Variants in XKR6 observed in about 807,000 individuals in gnomAD.
XKR6 encodes XK related 6.
Under a neutral mutation model 56.7 loss-of-function variants are expected in XKR6, and 22 were observed. That is an observed-to-expected ratio of 0.39 (90% CI 0.28 to 0.55). The LOEUF is 0.55. XKR6 is among the 20% of genes least tolerant of loss of function. The probability of loss-of-function intolerance (pLI) is 0.66; values close to 1 mark genes in which losing one functional copy is unlikely to be tolerated. For synonymous variants in XKR6, 524 were observed against 387.8 expected (o/e 1.35, Z -4.13); for missense variants, 852 against 889.0 (o/e 0.96, Z 0.53).
At chr8:11,010,433 C>A (rs1798473781) in intron 1 of XKR6, among the ~76,000 whole-genome samples, 1 of 152,314 alleles carries the variant, frequency 6.6e-6, no homozygotes, top group Admixed American at 6.5e-5. Flanking sequence ...CTTCCCTTCT[C>A]TAAGCCTCAT....
chr8:11,047,331 G>A (rs1251008170), intron 1 of XKR6, among the ~76,000 whole-genome samples: 1 of 152,146 alleles, frequency 6.6e-6, no homozygotes, highest in African/African-American at 2.4e-5. Flanking sequence ...CATGAAACCA[G>A]TTGTAACACA....
intron 1 of XKR6, among the ~76,000 whole-genome samples, chr8:11,091,783 C>T (rs1359467657): frequency 1.3e-5 from 2 of 152,202 alleles, no homozygotes; most frequent in African/African-American, 4.8e-5. Flanking sequence ...AAGCCCAGCT[C>T]TGGTGGCCCC....
intron 1 of XKR6, among the ~76,000 whole-genome samples, chr8:10,986,246 A>G (rs1797861707): frequency 6.6e-6 from 1 of 152,236 alleles, no homozygotes; most frequent in Non-Finnish European, 1.5e-5. Context: ...AAAAGTGGAT[A>G]CCAACTTCAC....
At chr8:10,986,787 T>C (rs1797873309) in intron 1 of XKR6, among the ~76,000 whole-genome samples, 1 of 151,940 alleles carries the variant, frequency 6.6e-6, no homozygotes, top group South Asian at 2.1e-4. Flanking sequence ...TGTTGTTGTT[T>C]CTTTTTTTTT....
At chr8:11,103,459 ATTCT>A (rs1798561830) in intron 1 of XKR6, among the ~76,000 whole-genome samples, 1 of 152,200 alleles carries the variant, frequency 6.6e-6, no homozygotes, top group African/African-American at 2.4e-5. Flanking sequence ...TGGAAAGGTA[ATTCT>A]TTATTTCTGA....
At chr8:11,177,262 T>C (rs1479101867) in intron 1 of XKR6, among the ~76,000 whole-genome samples, 1 of 152,240 alleles carries the variant, frequency 6.6e-6, no homozygotes, top group Admixed American at 6.5e-5. Flanking sequence ...GCTGTAGATT[T>C]GCCAACATTA....
intron 2 of XKR6, among the ~76,000 whole-genome samples, chr8:10,919,251 A>G (rs1800646515): frequency 6.6e-6 from 1 of 152,118 alleles, no homozygotes; most frequent in Non-Finnish European, 1.5e-5. Flanking sequence ...TTTTCTTCCC[A>G]AGTTGGTTCC....
At chr8:11,020,609 ACCCC>A (rs1287480135) in intron 1 of XKR6, among the ~76,000 whole-genome samples, 1 of 152,128 alleles carries the variant, frequency 6.6e-6, no homozygotes, top group Non-Finnish European at 1.5e-5. Flanking sequence ...AGAAGGGAAC[ACCCC>A]AGCCCCTAAG....
At position 11,191,642 on chromosome 8, in the gene XKR6, G is replaced by A. The variant is rs150370880; in HGVS notation, c.764+8934C>T. On this transcript the variant is annotated intron_variant, in intron 1 of 2. Transcript: ENST00000416569. ...CACCTGCAAGAGACACTCAGGAAAC[G>A]CAAAATATGAGCAGACAAGAGAAAT... Among the ~76,000 whole-genome samples the A allele has an allele frequency of 2.3e-3, 331 of 146,992 alleles. 2 individuals are homozygous for A. Among genetic ancestry groups the A allele is most frequent in the Non-Finnish European group, 2.6e-3 (174 of 67,308 alleles).
At chr8:10,967,477 C>A (rs1157715684) in intron 1 of XKR6, among the ~76,000 whole-genome samples, 1 of 152,202 alleles carries the variant, frequency 6.6e-6, no homozygotes, top group African/African-American at 2.4e-5. Flanking sequence ...CCCGAAGAGG[C>A]TGTACAGGAG....
chr8:11,018,462 C>T lies in XKR6; in HGVS notation c.765-93632G>A, dbSNP rs989181645. 9.2e-5 allele frequency among the ~76,000 whole-genome samples: 14 copies of T among 152,300 alleles called. No individual in the cohort carries two copies. The Middle Eastern group carries it at 0.014, about 148-fold the overall frequency. On this transcript the variant is annotated intron_variant, in intron 1 of 2. Coordinates refer to ENST00000416569, the MANE Select transcript of XKR6 (RefSeq NM_173683.4). ...GCCAGATGACAGATACCTCCACCAC[C>T]GGGCCTCCAGGCTAGCACTTCCCTC...
intron 1 of XKR6, among the ~76,000 whole-genome samples, chr8:11,024,697 A>G (rs1798822601): frequency 6.6e-6 from 1 of 152,216 alleles, no homozygotes; most frequent in Admixed American, 6.5e-5. Context: ...TGTTGAAGGT[A>G]TTTCCTCTAT....
chr8:11,066,057 T>A (rs1230681504), intron 1 of XKR6, among the ~76,000 whole-genome samples: 2 of 152,220 alleles, frequency 1.3e-5, no homozygotes, highest in Non-Finnish European at 2.9e-5. Flanking sequence ...TTCTTTGGCA[T>A]CCCCCAAATG....
At position 11,193,077 on chromosome 8, in the gene XKR6, G is replaced by A. The variant is rs182634621; in HGVS notation, c.764+7499C>T. The stretch of plus-strand genomic sequence containing the variant: ...CCATGAGTGAAAGCATGTGGCCAGG[G>A]CAAACCGTAATTATCAACCCTACCT... On this transcript the variant is annotated intron_variant, in intron 1 of 2. Transcript: ENST00000416569. 7.0e-4 allele frequency among the ~76,000 whole-genome samples: 106 copies of A among 152,292 alleles called. 1 individual carries two copies. The highest frequency in any genetic ancestry group is 5.2e-3 in the Admixed American group (79 of 15,296).
intron 1 of XKR6, chr8:11,128,926 T>C (rs545036436): frequency 3.7e-5 from 17 of 456,774 alleles, no homozygotes; most frequent in African/African-American, 2.4e-4. Flanking sequence ...CTTGTTCCCC[T>C]GGCTTCTTTA....
At chr8:10,996,341 G>A (rs1017443894) in intron 1 of XKR6, among the ~76,000 whole-genome samples, 1 of 152,128 alleles carries the variant, frequency 6.6e-6, no homozygotes, top group Non-Finnish European at 1.5e-5. Context: ...AGTAATTTCT[G>A]CCGCTGCTGA....
At chr8:11,198,056 T>C (rs75687838) in intron 1 of XKR6, among the ~76,000 whole-genome samples, 4,719 of 152,220 alleles carry the variant, frequency 0.031, 218 homozygotes, top group African/African-American at 0.1. Flanking sequence ...CCATAAGAAA[T>C]AGCAAAGTTT....
intron 2 of XKR6, among the ~76,000 whole-genome samples, chr8:10,915,395 G>T (rs1011530163): frequency 6.6e-6 from 1 of 152,292 alleles, no homozygotes; most frequent in Non-Finnish European, 1.5e-5. Flanking sequence ...GGAAGCCTGC[G>T]CTCATGTCTC....
At chr8:11,147,011 G>A (rs1439947418) in intron 1 of XKR6, among the ~76,000 whole-genome samples, 5 of 151,942 alleles carry the variant, frequency 3.3e-5, no homozygotes, top group African/African-American at 4.8e-5. Flanking sequence ...AAAAAATACA[G>A]CCTGAAGCTA....
Sources: gnomAD v4.1 joint callset for allele counts (sites outside exome capture counted in the v4.1 genomes callset) on GRCh38, gnomAD v4.1.1 for gene constraint, MANE v1.5 for transcripts, NCBI Gene and HGNC (gene_info 2026-07-23, HGNC 2026-07-21) for gene names.